Variants in EXD3 observed in about 807,000 individuals in gnomAD.
EXD3 encodes the protein exonuclease 3'-5' domain containing 3.
In EXD3, 92 loss-of-function variants were observed where a neutral mutation model predicts 98.0. The ratio of observed to expected loss-of-function variants is 0.94; its 90% CI spans 0.79 to 1.12. EXD3 has a LOEUF of 1.12. EXD3 is among the 50% of genes most tolerant of loss of function. The probability of loss-of-function intolerance (pLI) is 0.00; values close to 1 mark genes in which losing one functional copy is unlikely to be tolerated. For synonymous variants in EXD3, 569 were observed against 526.0 expected (o/e 1.08, Z -1.12); for missense variants, 1,222 against 1,191.6 (o/e 1.03, Z -0.38).
intron 19 of EXD3, among the ~76,000 whole-genome samples, chr9:137,320,913 T>C (rs1831996733): frequency 6.6e-6 from 1 of 152,226 alleles, no homozygotes; most frequent in African/African-American, 2.4e-5. Flanking sequence ...CTTGCTGGCC[T>C]GAGCACAGAC....
At chr9:137,374,571 C>T in intron 3 of EXD3, 2 of 985,510 alleles carry the variant, frequency 2.0e-6, no homozygotes, top group Non-Finnish European at 2.4e-6. Context: ...CCTGACAAAT[C>T]TCCCCACAAA....
intron 1 of EXD3, among the ~76,000 whole-genome samples, chr9:137,396,508 C>T (rs145991997): frequency 2.1e-3 from 317 of 152,262 alleles, no homozygotes; most frequent in African/African-American, 7.1e-3. Context: ...CCCGGGGAGA[C>T]GGACCTGTGT....
At chr9:137,388,883 G>A (rs557461932) in intron 2 of EXD3, among the ~76,000 whole-genome samples, 66 of 152,276 alleles carry the variant, frequency 4.3e-4, no homozygotes, top group South Asian at 1.2e-3. Context: ...GCATGTCCAC[G>A]GGTCCAGGCA....
At chr9:137,389,895 G>C (rs920396152) in intron 2 of EXD3, among the ~76,000 whole-genome samples, 2 of 152,096 alleles carry the variant, frequency 1.3e-5, no homozygotes, top group African/African-American at 2.4e-5. Context: ...GCCGAGGCGG[G>C]CAGATCACCT....
rs1456772235 is a variant in EXD3, at chr9:137,359,461, C to T, written c.657-3093G>A. Among the ~76,000 whole-genome samples the T allele has an allele frequency of 6.1e-5, 5 of 81,640 alleles. 1 individual carries two copies. The highest frequency in any genetic ancestry group is 1.5e-4 in the Non-Finnish European group (5 of 33,492). The allele number at this position is 81,640 out of a possible 152,430, so 53.6% of individuals were successfully genotyped here. A position where few individuals can be genotyped will look rare whatever the true frequency, so the allele number is the denominator to read the frequency against. On this transcript the variant is annotated intron_variant, in intron 7 of 21. Transcript: ENST00000340951. ...GCTGAGGCAGGAGGATCGCTCGAGC[C>T]GAGGAGGTTGAGTCTGCAGTGAGCT...
At chr9:137,419,769 G>T (rs193119330) in intron 1 of EXD3, among the ~76,000 whole-genome samples, 1 of 152,088 alleles carries the variant, frequency 6.6e-6, no homozygotes, top group East Asian at 1.9e-4. Context: ...ACAGACTTCC[G>T]ATAACCTGGG....
intron 3 of EXD3, among the ~76,000 whole-genome samples, chr9:137,378,565 GAGA>G (rs59162888): frequency 0.049 from 7,434 of 152,292 alleles, 236 homozygotes; most frequent in Middle Eastern, 0.1. Context: ...TGAATTTTCA[GAGA>G]AGTACTTATT....
chr9:137,392,702 T>TG (rs1360047613), intron 2 of EXD3: 7 of 306,368 alleles, frequency 2.3e-5, no homozygotes, highest in Middle Eastern at 1.3e-3. Flanking sequence ...GTGTCTGTTC[T>TG]GGGGGGGCTG....
chr9:137,388,836 G>A (rs376309449), intron 2 of EXD3, among the ~76,000 whole-genome samples: 3 of 152,178 alleles, frequency 2.0e-5, no homozygotes, highest in East Asian at 1.9e-4. Flanking sequence ...AGAAGAGCCC[G>A]GCCGCCCAGA....
intron 1 of EXD3, among the ~76,000 whole-genome samples, chr9:137,411,697 G>T (rs970855553): frequency 1.4e-5 from 2 of 143,010 alleles, no homozygotes; most frequent in Non-Finnish European, 3.1e-5. Context: ...AGGCGGGGGT[G>T]GGGGAGGTTG....
intron 1 of EXD3, among the ~76,000 whole-genome samples, chr9:137,396,201 CAG>C (rs1837210239): frequency 6.6e-6 from 1 of 152,124 alleles, no homozygotes; most frequent in Non-Finnish European, 1.5e-5. Context: ...CTCCTGACCT[CAG>C]GTGATCCACC....
At position 137,407,872 on chromosome 9, in the gene EXD3, G is replaced by C. The variant is rs533137112; in HGVS notation, c.-47-12468C>G. Among the ~76,000 whole-genome samples, 46 of 152,172 alleles carry C rather than the reference G, an allele frequency of 3.0e-4. No homozygotes were observed. The South Asian group carries it at 9.3e-3, about 31-fold the overall frequency. ...GGGCACAGCAAAGGGTCTGGGGGGA[G>C]GCCGGAGGGGGCTTTCCCCTTGGGC... On this transcript the variant is annotated intron_variant, in intron 1 of 21. Coordinates refer to ENST00000340951, the MANE Select transcript of EXD3 (RefSeq NM_017820.5). The surrounding 1 kb of genome is among the most constrained non-coding windows in gnomAD (Gnocchi z 4.4).
At chr9:137,373,187 G>T in intron 4 of EXD3, 115 bp from the exon 5 acceptor site, 2 of 1,305,962 alleles carry the variant, frequency 1.5e-6, no homozygotes, top group African/African-American at 1.5e-5. Flanking sequence ...CCATGTGTGG[G>T]CATCGGGTGG....
At chr9:137,352,914 G>A (rs141273939) in intron 10 of EXD3, 128 bp from the exon 11 acceptor site, 69 of 1,436,842 alleles carry the variant, frequency 4.8e-5, no homozygotes, top group South Asian at 2.2e-4. Context: ...AGGGGCAGCC[G>A]TCCACCTGAG....
chr9:137,314,508 C>T (rs1359855167), intron 19 of EXD3, among the ~76,000 whole-genome samples: 1 of 152,152 alleles, frequency 6.6e-6, no homozygotes, highest in Non-Finnish European at 1.5e-5. Context: ...CTGGTAGCCA[C>T]CCGCTCAGTG....
chr9:137,374,128 G>A (rs982246151), intron 3 of EXD3, among the ~76,000 whole-genome samples: 4 of 152,260 alleles, frequency 2.6e-5, no homozygotes, highest in African/African-American at 4.8e-5. Flanking sequence ...GTTGGCCCTC[G>A]CTGCTGTGCA....
chr9:137,394,695 G>T (rs1487930898), intron 2 of EXD3, among the ~76,000 whole-genome samples: 1 of 119,574 alleles, frequency 8.4e-6, no homozygotes, highest in Non-Finnish European at 2.0e-5. Flanking sequence ...ATCTGGCAGG[G>T]CAGCCGAGCG....
chr9:137,316,098 C>A (rs1331219501), intron 19 of EXD3, among the ~76,000 whole-genome samples: 2 of 151,496 alleles, frequency 1.3e-5, no homozygotes, highest in Non-Finnish European at 3.0e-5. Flanking sequence ...CCCCCCCCAG[C>A]CTCGGCGGGG....
chr9:137,330,603 A>AGCTACACAGGAG (rs139044502), intron 17 of EXD3, among the ~76,000 whole-genome samples: 1 of 129,308 alleles, frequency 7.7e-6, no homozygotes, highest in Non-Finnish European at 1.7e-5. Context: ...ACTACACAGG[A>AGCTACACAGGAG]CTACACAGGA....
Sources: allele counts gnomAD v4.1 joint callset (sites outside exome capture counted in the v4.1 genomes callset), GRCh38; gene constraint gnomAD v4.1.1; non-coding constraint Gnocchi (gnomAD v3.1); transcripts MANE v1.5; gene names NCBI Gene and HGNC (gene_info 2026-07-23, HGNC 2026-07-21).